Variants in TCF7L2 observed in about 807,000 individuals in gnomAD.
TCF7L2 encodes the protein transcription factor 7-like 2.
TCF7L2 carries 23 observed loss-of-function variants against 77.9 expected under a neutral mutation model. That is an observed-to-expected ratio of 0.30 (90% confidence interval 0.21 to 0.42). TCF7L2 has a LOEUF of 0.42. Ranked by LOEUF, TCF7L2 falls within the 10% of genes least tolerant of loss-of-function variation. TCF7L2 has a pLI of 1.00. For synonymous variants in TCF7L2, 413 were observed against 340.2 expected (o/e 1.21, Z -2.36); for missense variants, 654 against 793.1 (o/e 0.82, Z 2.11).
rs2069332513 is a variant in TCF7L2, at chr10:113,146,021, C to G, written c.799C>G (p.Pro267Ala). 1 of 1,448,348 alleles carries G rather than the reference C, an allele frequency of 6.9e-7. No homozygotes were observed. The highest frequency in any genetic ancestry group is 1.9e-5 in the Admixed American group (1 of 52,996). The allele number at this position is 1,448,348 out of a possible 1,614,324, so 89.7% of individuals were successfully genotyped here. A position where few individuals can be genotyped will look rare whatever the true frequency, so the allele number is the denominator to read the frequency against. The change falls in exon 8 of 14, where the codon CCA (proline) becomes GCA (alanine). Residue 267 changes from proline to alanine, a missense_variant. Physicochemically the swap from Pro to Ala is conservative, Grantham distance 27. Around this residue, in one of 6 missense-constraint regions of TCF7L2, gnomAD observed 179 missense variants for 270.6 expected, o/e 0.66. Coordinates refer to ENST00000627217, the MANE Select transcript of TCF7L2 (RefSeq NM_001146274.2). ...ACCCCTTCTTTGTAGGCAAGGTCAA[C>G]CAGTGTACCCAATCACGACAGGAGG... is the stretch of plus-strand genomic sequence containing the variant.
chr10:113,122,011 A>G (rs749400084), intron 5 of TCF7L2, among the ~76,000 whole-genome samples: 3 of 152,220 alleles, frequency 2.0e-5, no homozygotes, highest in South Asian at 2.1e-4. Flanking sequence ...AAAGGAATAT[A>G]TGAAGCTTCT....
intron 4 of TCF7L2, among the ~76,000 whole-genome samples, chr10:113,034,019 T>C (rs183828679): frequency 1.5e-4 from 23 of 152,310 alleles, no homozygotes; most frequent in Admixed American, 5.9e-4. Flanking sequence ...TCTGGGTAAA[T>C]TGGGATTCCG....
At chr10:113,029,524 C>CT (rs35839723) in intron 4 of TCF7L2, among the ~76,000 whole-genome samples, 3,740 of 130,148 alleles carry the variant, frequency 0.029, 78 homozygotes, top group African/African-American at 0.039. Flanking sequence ...CTCCATTCCT[C>CT]TTTTTTTTTT....
intron 5 of TCF7L2, among the ~76,000 whole-genome samples, chr10:113,108,289 G>A (rs1237747199): frequency 6.6e-6 from 1 of 152,180 alleles, no homozygotes; most frequent in Non-Finnish European, 1.5e-5. Flanking sequence ...CTCCGCCTGA[G>A]GTGAAGTGGG....
At chr10:113,011,771 G>A (rs551540796) in intron 4 of TCF7L2, among the ~76,000 whole-genome samples, 5 of 152,062 alleles carry the variant, frequency 3.3e-5, no homozygotes, top group South Asian at 2.1e-4. Flanking sequence ...CTTGAGTATC[G>A]CTGTTGAGTA....
At chr10:113,084,003 G>T (rs1164879895) in intron 5 of TCF7L2, among the ~76,000 whole-genome samples, 2 of 152,284 alleles carry the variant, frequency 1.3e-5, no homozygotes, top group South Asian at 4.1e-4. Context: ...AATTAAATGA[G>T]ATGATTTCTA....
intron 5 of TCF7L2, among the ~76,000 whole-genome samples, chr10:113,131,828 A>T (rs982935423): frequency 2.0e-5 from 3 of 152,194 alleles, no homozygotes; most frequent in Non-Finnish European, 2.9e-5. Context: ...TGAAATCCTG[A>T]CATGCCCTCC....
At chr10:113,088,265 G>A (rs1347090583) in intron 5 of TCF7L2, among the ~76,000 whole-genome samples, 4 of 152,016 alleles carry the variant, frequency 2.6e-5, no homozygotes, top group Admixed American at 2.6e-4. Flanking sequence ...CCATAGACAG[G>A]CCAATGGGTC....
intron 4 of TCF7L2, among the ~76,000 whole-genome samples, chr10:113,037,219 C>A (rs887722944): frequency 6.6e-6 from 1 of 152,018 alleles, no homozygotes; most frequent in South Asian, 2.1e-4. Context: ...TACTTATTTC[C>A]CCAAAAGGCA....
chr10:113,128,169 A>G (rs2065970666), intron 5 of TCF7L2, among the ~76,000 whole-genome samples: 2 of 152,078 alleles, frequency 1.3e-5, no homozygotes, highest in Non-Finnish European at 2.9e-5. Flanking sequence ...ACCACCATGT[A>G]AAGGGAATGG....
chr10:113,080,904 A>G (rs1245800011), intron 5 of TCF7L2, among the ~76,000 whole-genome samples: 1 of 152,216 alleles, frequency 6.6e-6, no homozygotes, highest in Non-Finnish European at 1.5e-5. Flanking sequence ...GGAAATGAGA[A>G]AAGAGGATAT....
intron 8 of TCF7L2, among the ~76,000 whole-genome samples, chr10:113,146,476 T>G (rs920848566): frequency 2.0e-5 from 3 of 152,252 alleles, no homozygotes; most frequent in African/African-American, 7.2e-5. Flanking sequence ...ATTACTGGTG[T>G]TCTCAAAGCT....
At chr10:113,048,633 T>A (rs1430771045) in intron 5 of TCF7L2, among the ~76,000 whole-genome samples, 1 of 152,238 alleles carries the variant, frequency 6.6e-6, no homozygotes, top group Non-Finnish European at 1.5e-5. Context: ...AGTAACTTGC[T>A]AATCCAACCT....
At chr10:113,147,600 A>C (rs1201185547) in intron 8 of TCF7L2, among the ~76,000 whole-genome samples, 2 of 152,178 alleles carry the variant, frequency 1.3e-5, no homozygotes, top group African/African-American at 2.4e-5. Context: ...AAGCATGGGA[A>C]TGAGTAGGGG....
At chr10:112,964,648 A>G (rs761442743) in intron 4 of TCF7L2, 24 bp downstream of exon 4, 1 of 1,604,652 alleles carries the variant, frequency 6.2e-7, no homozygotes, top group Non-Finnish European at 8.5e-7. Context: ...GAGATTCTGA[A>G]GCTTGAATTG....
rs11196209 is a variant in TCF7L2, at chr10:113,052,968, G to A, written c.552+12842G>A. Among the ~76,000 whole-genome samples, 189 of 152,206 alleles carry A rather than the reference G, an allele frequency of 1.2e-3. 1 individual carries two copies. In the East Asian group the frequency reaches 0.036, roughly 29 times the overall value. On this transcript the variant is annotated intron_variant, in intron 5 of 13. Transcript: ENST00000627217. The stretch of plus-strand genomic sequence containing the variant: ...TTGTTCTTTTTAAAAAGATACAAAC[G>A]AACTTCTTTATCTGATTCTTTTTTT...
chr10:113,096,662 A>G (rs2061007658), intron 5 of TCF7L2, among the ~76,000 whole-genome samples: 1 of 152,156 alleles, frequency 6.6e-6, no homozygotes, highest in African/African-American at 2.4e-5. Context: ...GTGGGGGCCA[A>G]AAATGAAAGA....
chr10:113,042,055 G>A (rs2052550519), intron 5 of TCF7L2, among the ~76,000 whole-genome samples: 3 of 152,164 alleles, frequency 2.0e-5, no homozygotes, highest in African/African-American at 7.2e-5. Flanking sequence ...GTAAAGGAGT[G>A]GGGGTTTGTC....
intron 5 of TCF7L2, among the ~76,000 whole-genome samples, chr10:113,084,597 A>G (rs539950627): frequency 1.1e-4 from 16 of 152,298 alleles, no homozygotes; most frequent in African/African-American, 3.6e-4. Flanking sequence ...GACTTAGTCA[A>G]ACTGACACAT....
Sources: gnomAD v4.1 joint callset for allele counts (sites outside exome capture counted in the v4.1 genomes callset) on GRCh38, gnomAD v4.1.1 for gene constraint, gnomAD v4.1.1 regional missense constraint, MANE v1.5 for transcripts, NCBI Gene and HGNC (gene_info 2026-07-23, HGNC 2026-07-21) for gene names.